The following DYRK4 variants were observed in gnomAD, a reference collection of about 807,000 sequenced individuals.
DYRK4 encodes the protein dual specificity tyrosine-phosphorylation-regulated kinase 4.
In DYRK4, 64 loss-of-function variants were observed where a neutral mutation model predicts 68.3. The ratio of observed to expected loss-of-function variants is 0.94; its 90% CI spans 0.77 to 1.15. DYRK4 has a LOEUF of 1.15. Ranked by LOEUF, DYRK4 falls within the 50% of genes most tolerant of loss-of-function variation. The pLI, the probability that DYRK4 is intolerant of heterozygous loss-of-function variation, is 0.00. For missense variants in DYRK4, 740 were observed against 764.7 expected (o/e 0.97, Z 0.38); for synonymous variants, 274 against 289.9 (o/e 0.95, Z 0.56).
At chr12:4,575,299 C>CTGTGTGTGTGTGTG (rs35874260) in intron 2 of DYRK4, among the ~76,000 whole-genome samples, 187 of 148,960 alleles carry the variant, frequency 1.3e-3, no homozygotes, top group African/African-American at 4.4e-3. Context: ...CAATAACTTA[C>CTGTGTGTGTGTGTG]TGTGTGTGTG....
At chr12:4,597,171 G>A (rs543303258) in intron 8 of DYRK4, 124 of 1,029,514 alleles carry the variant, frequency 1.2e-4, no homozygotes, top group Middle Eastern at 4.7e-4. Context: ...AAGGACAAGA[G>A]CAGATATTTT....
chr12:4,573,493 A>G (rs1944753326), intron 2 of DYRK4: 3 of 898,612 alleles, frequency 3.3e-6, no homozygotes, highest in South Asian at 1.5e-5. Context: ...GGGTGGGGGC[A>G]TGTCTCTGAG....
At chr12:4,597,956 C>T (rs148811708) in intron 8 of DYRK4, among the ~76,000 whole-genome samples, 88 of 152,246 alleles carry the variant, frequency 5.8e-4, no homozygotes, top group South Asian at 1.0e-3. Context: ...ATCCCAGCTA[C>T]TTGAGAGGCT....
intron 2 of DYRK4, among the ~76,000 whole-genome samples, chr12:4,581,583 A>C (rs1944842600): frequency 6.6e-6 from 1 of 152,214 alleles, no homozygotes; most frequent in Non-Finnish European, 1.5e-5. Context: ...GTGGGAATAG[A>C]AGCCACTAAG....
chr12:4,587,141 C>T (rs766815407), intron 2 of DYRK4, among the ~76,000 whole-genome samples: 4 of 152,168 alleles, frequency 2.6e-5, no homozygotes, highest in Non-Finnish European at 4.4e-5. Flanking sequence ...TTCACTGTTG[C>T]CCACGGGATA....
At chr12:4,562,932 T>A (rs1311429270) in intron 1 of DYRK4, 2 of 375,926 alleles carry the variant, frequency 5.3e-6, no homozygotes, top group East Asian at 1.5e-4. Flanking sequence ...TAAAGGCTAT[T>A]CTGTGACATT....
intron 10 of DYRK4, among the ~76,000 whole-genome samples, chr12:4,604,389 A>AT (rs1187146829): frequency 2.0e-5 from 3 of 152,216 alleles, no homozygotes; most frequent in African/African-American, 7.2e-5. Context: ...TTATGCGGAA[A>AT]TAACTACCGT....
chr12:4,580,007 G>A (rs1944826485), intron 2 of DYRK4, among the ~76,000 whole-genome samples: 1 of 152,152 alleles, frequency 6.6e-6, no homozygotes, highest in Admixed American at 6.5e-5. Context: ...CTTGGATAAT[G>A]TTTGCCTCCC....
At chr12:4,596,100 G>T in intron 6 of DYRK4, 49 bp from the exon 7 acceptor site, 2 of 1,597,172 alleles carry the variant, frequency 1.3e-6, no homozygotes, top group South Asian at 1.1e-5. Context: ...TACCAGGAAG[G>T]CCTGGGAGCC....
intron 1 of DYRK4, among the ~76,000 whole-genome samples, chr12:4,566,642 C>G (rs750493243): frequency 7.2e-5 from 11 of 152,208 alleles, no homozygotes; most frequent in Non-Finnish European, 1.5e-4. Flanking sequence ...AAGGAGTTTT[C>G]TTTGAGGGCA....
intron 2 of DYRK4, among the ~76,000 whole-genome samples, chr12:4,571,758 A>G (rs1032422062): frequency 6.6e-6 from 1 of 152,158 alleles, no homozygotes; most frequent in African/African-American, 2.4e-5. Flanking sequence ...AATTTCATCT[A>G]TTTCTTTTTA....
intron 12 of DYRK4, 103 bp from the exon 13 acceptor site, chr12:4,610,052 G>GACAGATGCAGCAAAAGAGAGCA: frequency 9.6e-7 from 1 of 1,036,950 alleles, no homozygotes; most frequent in Admixed American, 2.8e-5. Flanking sequence ...GAGTGTGTAA[G>GACAGATGCAGCAAAAGAGAGCA]ACAGAGAGCA....
chr12:4,592,843 C>G, intron 5 of DYRK4, 159 bp from the exon 6 acceptor site: 1 of 716,708 alleles, frequency 1.4e-6, no homozygotes, highest in Non-Finnish European at 2.3e-6. Context: ...TCTTGTCATA[C>G]TTCCATCTTG....
At chr12:4,583,623 G>A (rs538418699) in intron 2 of DYRK4, among the ~76,000 whole-genome samples, 2 of 152,190 alleles carry the variant, frequency 1.3e-5, no homozygotes, top group African/African-American at 2.4e-5. Flanking sequence ...TGCAACTCCC[G>A]ACCTCAGGTG....
intron 2 of DYRK4, among the ~76,000 whole-genome samples, chr12:4,583,302 T>C (rs1263066284): frequency 1.3e-5 from 2 of 151,868 alleles, no homozygotes; most frequent in Non-Finnish European, 2.9e-5. Context: ...GGCACTGTTC[T>C]ACATCTCAGC....
In DYRK4 at chr12:4,612,585, G is replaced by A. The variant is rs750487214; in HGVS notation, c.1533G>A (p.Lys511=). Residue 511 remains lysine (K), a synonymous_variant, in exon 14 of 15, where the codon AAG becomes AAA. Transcript: ENST00000543431. The part of the protein sequence containing the change: ...SLRMTPDQAL[K]HAWIHQSRNL... ...GCATGACCCCGGACCAGGCCCTCAA[G>A]CATGCTTGGATTCATCAGTCTCGGA... 2.1e-4 allele frequency: 336 copies of A among 1,614,096 alleles called. No homozygotes were observed. The highest frequency in any genetic ancestry group is 2.0e-4 in the Non-Finnish European group (239 of 1,180,038).
At position 4,591,109 on chromosome 12, in the gene DYRK4, C is replaced by G; in HGVS notation, c.325-51C>G. On this transcript the variant is annotated intron_variant, in intron 4 of 14. Coordinates refer to ENST00000543431, the MANE Select transcript of DYRK4 (RefSeq NM_001394779.1). This position sits in a 1 kb window ranked among gnomAD's most constrained non-coding sequence, Gnocchi z 4.1. ...TTGGTTAAATAAATGGTTTATGGCC[C>G]CCAGGAGAGTCCTAAGTAGTTATTT... 6.3e-7 allele frequency: 1 copy of G among 1,596,030 alleles called. No individual in the cohort carries two copies. The highest frequency in any genetic ancestry group is 8.5e-7 in the Non-Finnish European group (1 of 1,170,832).
At position 4,593,139 on chromosome 12, in the gene DYRK4, G is replaced by A; in HGVS notation, c.601G>A (p.Asp201Asn). 6.2e-7 allele frequency: 1 copy of A among 1,614,032 alleles called. No individual in the cohort carries two copies. Among genetic ancestry groups the A allele is most frequent in the Non-Finnish European group, 8.5e-7 (1 of 1,180,020 alleles). ...APEKFSKTSF[D>N]DEHGFYLKVL... ...TGAGAAATTTAGCAAGACGAGTTTT[G>A]ATGATGAGCATGGCTTCTATCTGAA... The change falls in exon 6 of 15, where the codon GAT becomes AAT. Residue 201 changes from aspartate (D) to asparagine (N), a missense_variant. Coordinates refer to ENST00000543431, the MANE Select transcript of DYRK4 (RefSeq NM_001394779.1).
chr12:4,612,866 T>C, intron 14 of DYRK4, 148 bp downstream of exon 14: 1 of 802,958 alleles, frequency 1.2e-6, no homozygotes, highest in Non-Finnish European at 1.9e-6. Flanking sequence ...TTTAATATGC[T>C]GTTTAAGCAT....
Sources: gnomAD v4.1 joint callset for allele counts (sites outside exome capture counted in the v4.1 genomes callset) on GRCh38, gnomAD v4.1.1 for gene constraint, Gnocchi (gnomAD v3.1) non-coding constraint, MANE v1.5 for transcripts, NCBI Gene and HGNC (gene_info 2026-07-23, HGNC 2026-07-21) for gene names.